EVA1A: variants seen among roughly 807,000 people sequenced by gnomAD.
EVA1A encodes protein eva-1 homolog A.
EVA1A carries 7 observed loss-of-function variants against 9.8 expected under a neutral mutation model. The ratio of observed to expected loss-of-function variants is 0.71; its 90% CI spans 0.41 to 1.34. EVA1A has a LOEUF of 1.34. Ranked by LOEUF, EVA1A falls within the 40% of genes most tolerant of loss-of-function variation. EVA1A has a pLI of 0.01. For missense variants in EVA1A, 206 were observed against 205.9 expected, an observed-to-expected ratio of 1.00 and a Z score of 0.00; for synonymous variants, 90 against 85.6, an observed-to-expected ratio of 1.05 and a Z score of -0.28.
Position 75,547,623 on chromosome 2 carries a change from C to T in EVA1A, c.-192+13057G>A, listed in dbSNP as rs139798589. Among the ~76,000 whole-genome samples, 9 of 152,276 alleles carry T rather than the reference C, an allele frequency of 5.9e-5. No homozygotes were observed. The East Asian group carries it at 1.2e-3, about 20-fold the overall frequency. On this transcript the variant is annotated intron_variant, in intron 1 of 3. Transcript: ENST00000393913. ...ACTGAGCATTAAAGAAACAACTAGA[C>T]ATGTTCTCATCAAATTGGTCTGCAG...
chr2:75,523,534 T>C (rs1675304568), intron 1 of EVA1A, among the ~76,000 whole-genome samples: 1 of 152,156 alleles, frequency 6.6e-6, no homozygotes, highest in African/African-American at 2.4e-5. Context: ...CCGATTTTCT[T>C]TGTAGCACTG....
At chr2:75,560,624 C>T (rs1676891123) in intron 1 of EVA1A, 56 bp downstream of exon 1, 1 of 75,974 alleles carries the variant, frequency 1.3e-5, no homozygotes, top group Non-Finnish European at 2.5e-5. Flanking sequence ...AGCCGGAGCC[C>T]GCTGGGGATG....
intron 1 of EVA1A, among the ~76,000 whole-genome samples, chr2:75,538,837 G>T (rs781472668): frequency 2.0e-5 from 3 of 152,198 alleles, no homozygotes; most frequent in Non-Finnish European, 2.9e-5. Context: ...AGAGGTTAAG[G>T]AAGGATTGGG....
chr2:75,545,778 C>T (rs555252516), intron 1 of EVA1A, among the ~76,000 whole-genome samples: 24 of 152,182 alleles, frequency 1.6e-4, no homozygotes, highest in African/African-American at 5.5e-4. Flanking sequence ...ATAAATAAGC[C>T]TCAGTCAGTG....
intron 1 of EVA1A, among the ~76,000 whole-genome samples, chr2:75,529,997 A>G (rs1489973803): frequency 1.3e-5 from 2 of 152,224 alleles, no homozygotes; most frequent in Non-Finnish European, 2.9e-5. Flanking sequence ...TTGTTAGACC[A>G]TTCATGAGAT....
At position 75,547,154 on chromosome 2, in the gene EVA1A, C is replaced by T. The variant is rs573084221; in HGVS notation, c.-192+13526G>A. ...GTTAAAACAGATTAACACTTGCAGC[C>T]GACTTTGGTATTTGTCCTCCCTACG... is the stretch of plus-strand genomic sequence containing the variant. On this transcript the variant is annotated intron_variant, in intron 1 of 3. Coordinates refer to ENST00000393913, the MANE Select transcript of EVA1A (RefSeq NM_001135032.2). Among the ~76,000 whole-genome samples the T allele has an allele frequency of 1.2e-4, 19 of 152,290 alleles. No individual in the cohort carries two copies. The East Asian group carries it at 2.1e-3, about 17-fold the overall frequency.
exon 1 of EVA1A, chr2:75,569,549 C>T (rs1482875233): frequency 6.6e-6 from 1 of 152,264 alleles, no homozygotes; most frequent in Admixed American, 6.5e-5. Context: ...GTTCGCATCA[C>T]TAAAATGCTT....
At chr2:75,519,561 C>T (rs1368397309) in intron 2 of EVA1A, among the ~76,000 whole-genome samples, 1 of 152,132 alleles carries the variant, frequency 6.6e-6, no homozygotes, top group Non-Finnish European at 1.5e-5. Context: ...GTGGGAGCTC[C>T]AGGGACTTTG....
At chr2:75,537,331 T>C (rs1256892716) in intron 1 of EVA1A, among the ~76,000 whole-genome samples, 2 of 152,180 alleles carry the variant, frequency 1.3e-5, no homozygotes, top group African/African-American at 4.8e-5. Context: ...ATAAAGAGCG[T>C]CTGCAAAAGA....
At chr2:75,506,968 C>A in intron 3 of EVA1A, among the ~76,000 whole-genome samples, 1 of 152,230 alleles carries the variant, frequency 6.6e-6, no homozygotes, top group East Asian at 1.9e-4. Context: ...TCCTAGGAGA[C>A]TTCAAGTTGA....
chr2:75,541,011 G>C (rs1676096734), intron 1 of EVA1A: 1 of 152,230 alleles, frequency 6.6e-6, no homozygotes, highest in African/African-American at 2.4e-5. Flanking sequence ...AGAGTGTGTT[G>C]TATACCTGCT....
At chr2:75,539,068 A>G (rs1290262157) in intron 1 of EVA1A, among the ~76,000 whole-genome samples, 1 of 152,190 alleles carries the variant, frequency 6.6e-6, no homozygotes, top group East Asian at 1.9e-4. Flanking sequence ...TCTCCAAAAA[A>G]AGTCTAATTA....
chr2:75,533,161 AAG>A, intron 1 of EVA1A, among the ~76,000 whole-genome samples: 2 of 151,708 alleles, frequency 1.3e-5, no homozygotes, highest in Non-Finnish European at 2.9e-5. Context: ...AAAAAAAAAA[AAG>A]AAAAAAGAAA....
chr2:75,568,362 G>A (rs7588559), intron 1 of EVA1A, among the ~76,000 whole-genome samples: 144,774 of 149,612 alleles, frequency 0.97, 70,101 homozygotes, highest in East Asian at 1. Context: ...AAAGGATATT[G>A]TTTAATATTA....
intron 1 of EVA1A, among the ~76,000 whole-genome samples, chr2:75,559,437 A>G (rs920222189): frequency 3.3e-5 from 5 of 152,194 alleles, no homozygotes; most frequent in African/African-American, 1.2e-4. Flanking sequence ...GTCTCACTCC[A>G]GGGCCCGGGC....
At chr2:75,564,570 G>A (rs1335955836), upstream of EVA1A, among the ~76,000 whole-genome samples, 1 of 152,170 alleles carries the variant, frequency 6.6e-6, no homozygotes, top group African/African-American at 2.4e-5. Context: ...TAGAAGCCAG[G>A]GCCCCTTCAG....
At chr2:75,496,292 A>T (rs761390607) in intron 3 of EVA1A, among the ~76,000 whole-genome samples, 7 of 152,106 alleles carry the variant, frequency 4.6e-5, no homozygotes, top group Non-Finnish European at 1.0e-4. Context: ...AACCCTAAAA[A>T]CTCTGCCAAA....
intron 2 of EVA1A, 51 bp downstream of exon 2, chr2:75,522,314 C>T (rs773289510): frequency 2.0e-5 from 3 of 152,104 alleles, no homozygotes; most frequent in Non-Finnish European, 4.4e-5. Flanking sequence ...TGGTATGTCA[C>T]CCCCATACAT....
chr2:75,543,207 A>G (rs1451320635), intron 1 of EVA1A, among the ~76,000 whole-genome samples: 1 of 152,154 alleles, frequency 6.6e-6, no homozygotes, highest in Non-Finnish European at 1.5e-5. Context: ...AATAGGGAAG[A>G]CCATGCTGAC....
Sources: gnomAD v4.1 joint callset for allele counts (sites outside exome capture counted in the v4.1 genomes callset) on GRCh38, gnomAD v4.1.1 for gene constraint, MANE v1.5 for transcripts, NCBI Gene and HGNC (gene_info 2026-07-23, HGNC 2026-07-21) for gene names.